Variants in KBTBD11 observed in about 807,000 individuals in gnomAD.
The protein encoded by KBTBD11 is kelch repeat and BTB domain containing 11, also known as kelch repeat and BTB domain-containing protein 11.
For missense variants in KBTBD11, 1,390 were observed against 1,001.8 expected (o/e 1.39, Z -5.23); for synonymous variants, 747 against 499.0 (o/e 1.50, Z -6.63).
intron 1 of KBTBD11, among the ~76,000 whole-genome samples, chr8:1,981,605 T>C (rs2129309404): frequency 6.6e-6 from 1 of 152,276 alleles, no homozygotes; most frequent in Middle Eastern, 3.4e-3. Flanking sequence ...TTTGAACCAG[T>C]GTGAGGAAGA....
chr8:2,003,251 C>T lies in KBTBD11; in HGVS notation c.*187C>T, dbSNP rs1179822935. The T allele has an allele frequency of 3.1e-6, 3 of 975,930 alleles. No individual in the cohort carries two copies. Among genetic ancestry groups the T allele is most frequent in the Non-Finnish European group, 4.0e-6 (3 of 743,682 alleles). 60.5% of individuals were successfully genotyped at this position (975,930 alleles called of 1,614,324 possible). ...TTTGCTTTCCTTTTGCTTGTCTTTG[C>T]TTCTGGGGGTGGATGCCTTGAGACC... On this transcript the variant is annotated 3_prime_UTR_variant, in exon 2 of 2. Transcript: ENST00000320248.
chr8:1,998,325 GGT>G (rs1817218637), intron 1 of KBTBD11, among the ~76,000 whole-genome samples: 1 of 152,270 alleles, frequency 6.6e-6, no homozygotes, highest in South Asian at 2.1e-4. Flanking sequence ...GCTGCTTTCT[GGT>G]GTGTCTGTTT....
In KBTBD11 at chr8:2,001,456, GGAGGAGCTCGCGTCCCCT is replaced by G. The variant is rs759534040; in HGVS notation, c.272_289del (p.Leu91_Glu96del). 31 of 1,362,024 alleles carry G rather than the reference GGAGGAGCTCGCGTCCCCT, an allele frequency of 2.3e-5. No individual in the cohort carries two copies. The highest frequency in any genetic ancestry group is 2.7e-4 in the Middle Eastern group (1 of 3,672). The allele number at this position is 1,362,024 out of a possible 1,614,324, so 84.4% of individuals were successfully genotyped here. ...CCGGCAGCGCGGGCGCCGCGTCCCCGGAGGAGCTCGCGTCCCCTGAGGAGCGCGCGTGCCCGGAAGAGC... is the reference window on the plus strand; with the variant it reads ...CCGGCAGCGCGGGCGCCGCGTCCCCGGAGGAGCGCGCGTGCCCGGAAGAGC... On this transcript the variant is annotated inframe_deletion, in exon 2 of 2. Coordinates refer to ENST00000320248, the MANE Select transcript of KBTBD11 (RefSeq NM_014867.3).
chr8:1,986,617 G>A (rs568110896), intron 1 of KBTBD11, among the ~76,000 whole-genome samples: 45 of 152,128 alleles, frequency 3.0e-4, no homozygotes, highest in Non-Finnish European at 5.0e-4. Context: ...CAGCAGCAGA[G>A]GCATGAAGAA....
intron 1 of KBTBD11, among the ~76,000 whole-genome samples, chr8:1,997,312 G>C (rs561226033): frequency 6.6e-6 from 1 of 151,950 alleles, no homozygotes; most frequent in Non-Finnish European, 1.5e-5. Context: ...CAGTCACCGC[G>C]GTTGCTGATG....
chr8:2,006,044 TC>T lies in KBTBD11; in HGVS notation c.*2981del, dbSNP rs1817563322. ...GGATTTGGAACTTCGGGATTTGGTT[TC>T]TGAGTCTGTGGAGGCACCGACTTCT... On this transcript the variant is annotated 3_prime_UTR_variant, in exon 2 of 2. Transcript: ENST00000320248. 6.0e-6 allele frequency: 1 copy of T among 167,134 alleles called. No homozygotes were observed. The allele number at this position is 167,134 out of a possible 1,614,324, so 10.4% of individuals were successfully genotyped here. A position where few individuals can be genotyped will look rare whatever the true frequency, so the allele number is the denominator to read the frequency against.
chr8:1,984,571 G>A (rs908260569), intron 1 of KBTBD11, among the ~76,000 whole-genome samples: 6 of 152,190 alleles, frequency 3.9e-5, no homozygotes, highest in African/African-American at 1.4e-4. Flanking sequence ...ACAGGCATGA[G>A]CCTCCACGCG....
Position 2,004,907 on chromosome 8 carries a change from T to C in KBTBD11, c.*1843T>C, listed in dbSNP as rs1437735177. On this transcript the variant is annotated 3_prime_UTR_variant, in exon 2 of 2. Coordinates refer to ENST00000320248, the MANE Select transcript of KBTBD11 (RefSeq NM_014867.3). ...GCCTTTTCCTCTAGAATTTTATTAATGGTAGAAATTTTTATATGAAATGGG... is the reference window on the plus strand; with the variant it reads ...GCCTTTTCCTCTAGAATTTTATTAACGGTAGAAATTTTTATATGAAATGGG... The C allele has an allele frequency of 1.8e-5, 3 of 167,092 alleles. No individual in the cohort carries two copies. Among genetic ancestry groups the C allele is most frequent in the Non-Finnish European group, 4.4e-5 (3 of 68,138 alleles). The allele number at this position is 167,092 out of a possible 1,614,324, so 10.4% of individuals were successfully genotyped here.
Position 2,003,209 on chromosome 8 carries a change from C to G in KBTBD11, c.*145C>G. 8.4e-7 allele frequency: 1 copy of G among 1,189,594 alleles called. No homozygotes were observed. The highest frequency in any genetic ancestry group is 3.2e-5 in the East Asian group (1 of 31,162). The allele number at this position is 1,189,594 out of a possible 1,614,324, so 73.7% of individuals were successfully genotyped here. On this transcript the variant is annotated 3_prime_UTR_variant, in exon 2 of 2. Transcript: ENST00000320248. The stretch of plus-strand genomic sequence containing the variant: ...ACTTCGAAGGAGCCCCGAGGACGCT[C>G]TCAGGGCCGCTTTCGCTTTGCTTTC...
chr8:1,974,405 G>C (rs1563358079), intron 1 of KBTBD11: 1 of 984,820 alleles, frequency 1.0e-6, no homozygotes, highest in Non-Finnish European at 1.2e-6. Flanking sequence ...AAGCGCGCGG[G>C]GCCAGGGCGG....
At chr8:1,982,451 C>T (rs1816568794) in intron 1 of KBTBD11, among the ~76,000 whole-genome samples, 1 of 151,998 alleles carries the variant, frequency 6.6e-6, no homozygotes, top group African/African-American at 2.4e-5. Flanking sequence ...AATCAAGAGA[C>T]ATAGAGTGCA....
At chr8:1,999,704 G>C (rs1458891293) in intron 1 of KBTBD11, among the ~76,000 whole-genome samples, 1 of 152,178 alleles carries the variant, frequency 6.6e-6, no homozygotes, top group African/African-American at 2.4e-5. Context: ...AGAGATTTAG[G>C]AGTTGGCGCC....
At position 2,002,954 on chromosome 8, in the gene KBTBD11, G is replaced by C. The variant is rs1309315707; in HGVS notation, c.1762G>C (p.Gly588Arg). Residue 588 changes from glycine to arginine, a missense_variant, in exon 2 of 2, where the codon GGC becomes CGC. Coordinates refer to ENST00000320248, the MANE Select transcript of KBTBD11 (RefSeq NM_014867.3). The surrounding 1 kb of genome is among the most constrained non-coding windows in gnomAD (Gnocchi z 4.1). ...EGEAGGDAGQGGGFEALGAPL... is the reference protein window; with the variant it reads ...EGEAGGDAGQRGGFEALGAPL... ...CGAGGCCGGCGGCGACGCAGGCCAG[G>C]GCGGCGGCTTCGAGGCGCTGGGCGC... is the stretch of plus-strand genomic sequence containing the variant. The C allele has an allele frequency of 7.6e-7, 1 of 1,317,656 alleles. No individual in the cohort carries two copies. The allele number at this position is 1,317,656 out of a possible 1,614,324, so 81.6% of individuals were successfully genotyped here. A position where few individuals can be genotyped will look rare whatever the true frequency, so the allele number is the denominator to read the frequency against.
At position 1,973,826 on chromosome 8, in the gene KBTBD11, G is replaced by C; in HGVS notation, c.-1018G>C. The C allele has an allele frequency of 3.1e-6, 3 of 983,138 alleles. No homozygotes were observed. Among genetic ancestry groups the C allele is most frequent in the Non-Finnish European group, 3.6e-6 (3 of 829,118 alleles). 60.9% of individuals were successfully genotyped at this position (983,138 alleles called of 1,614,324 possible). On this transcript the variant is annotated 5_prime_UTR_variant, in exon 1 of 2. Transcript: ENST00000320248. ...CTCCCGCTCGCAGGTGCTCGGAGAGGCCGGGCCGCGGCTCCCACAGGTGCC... is the reference window on the plus strand; with the variant it reads ...CTCCCGCTCGCAGGTGCTCGGAGAGCCCGGGCCGCGGCTCCCACAGGTGCC...
In KBTBD11 at chr8:2,005,023, G is replaced by A. The variant is rs138295712; in HGVS notation, c.*1959G>A. On this transcript the variant is annotated 3_prime_UTR_variant, in exon 2 of 2. Transcript: ENST00000320248. The stretch of plus-strand genomic sequence containing the variant: ...TTACTTGTGAAATCATTCCTGTAAT[G>A]TTTATTGTTTGAAAATGAAATATTG... 8 of 167,160 alleles carry A rather than the reference G, an allele frequency of 4.8e-5. No individual in the cohort carries two copies. The highest frequency in any genetic ancestry group is 1.9e-4 in the African/African-American group (8 of 41,538). 10.4% of individuals were successfully genotyped at this position (167,160 alleles called of 1,614,324 possible). A position where few individuals can be genotyped will look rare whatever the true frequency, so the allele number is the denominator to read the frequency against.
chr8:2,001,686 TCC>T lies in KBTBD11; in HGVS notation c.495_496del (p.Phe165LeufsTer286). The T allele has an allele frequency of 6.9e-7, 1 of 1,442,694 alleles. No individual in the cohort carries two copies. Among genetic ancestry groups the T allele is most frequent in the African/African-American group, 1.5e-5 (1 of 67,070 alleles). 89.4% of individuals were successfully genotyped at this position (1,442,694 alleles called of 1,614,324 possible). A position where few individuals can be genotyped will look rare whatever the true frequency, so the allele number is the denominator to read the frequency against. On this transcript the variant is annotated frameshift_variant, in exon 2 of 2. Coordinates refer to ENST00000320248, the MANE Select transcript of KBTBD11 (RefSeq NM_014867.3). LOFTEE classifies it low-confidence loss of function (END_TRUNC). ...GTGCTGGCGGCGCGCAGCGACTACT[TCC>T]GCGCGCGCGCGTCGCGGGACGTGCT...
chr8:1,999,059 CCTT>C (rs1386789899), intron 1 of KBTBD11, among the ~76,000 whole-genome samples: 5 of 152,194 alleles, frequency 3.3e-5, no homozygotes, highest in Non-Finnish European at 4.4e-5. Flanking sequence ...TTCTCAGAAA[CCTT>C]CTTAATATTA....
Position 2,002,593 on chromosome 8 carries a change from C to A in KBTBD11, c.1401C>A (p.Phe467Leu). The A allele has an allele frequency of 1.3e-6, 2 of 1,585,172 alleles. No individual in the cohort carries two copies. The highest frequency in any genetic ancestry group is 1.7e-4 in the Middle Eastern group (1 of 5,900). ...TCTACGTGTCCGGGGGCTCCCTCTTCTATCGCCTGCTCAAGTATGACCCGC... is the reference window on the plus strand; with the variant it reads ...TCTACGTGTCCGGGGGCTCCCTCTTATATCGCCTGCTCAAGTATGACCCGC... ...GEIYVSGGSL[F>L]YRLLKYDPRR... is the part of the protein sequence containing the mutation. Residue 467 changes from phenylalanine (F) to leucine (L), a missense_variant, in exon 2 of 2, where the codon TTC (phenylalanine) becomes TTA (leucine). Physicochemically the swap from Phe to Leu is conservative, Grantham distance 22 (BLOSUM62 0). Coordinates refer to ENST00000320248, the MANE Select transcript of KBTBD11 (RefSeq NM_014867.3). This position sits in a 1 kb window ranked among gnomAD's most constrained non-coding sequence, Gnocchi z 4.1.
chr8:1,989,905 A>G (rs911582016), intron 1 of KBTBD11, among the ~76,000 whole-genome samples: 4 of 145,582 alleles, frequency 2.7e-5, no homozygotes, highest in Admixed American at 6.8e-5. Context: ...TAGGGAACAG[A>G]TAACGATGTC....
Sources: allele counts gnomAD v4.1 joint callset (sites outside exome capture counted in the v4.1 genomes callset), GRCh38; gene constraint gnomAD v4.1.1; non-coding constraint Gnocchi (gnomAD v3.1); transcripts MANE v1.5; gene names NCBI Gene and HGNC (gene_info 2026-07-23, HGNC 2026-07-21).